The following TENT5D variants were observed in gnomAD, a reference collection of about 807,000 sequenced individuals.
TENT5D encodes cancer/testis antigen 112.
For synonymous variants in TENT5D, 103 were observed against 100.6 expected (o/e 1.02, Z -0.15); for missense variants, 191 against 287.0 (o/e 0.67, Z 2.42).
intron 3 of TENT5D, among the ~76,000 whole-genome samples, chrX:80,411,469 C>A (rs1440183701): frequency 9.0e-6 from 1 of 111,398 alleles, no homozygotes; most frequent in Non-Finnish European, 1.9e-5. Flanking sequence ...CAAAAATTTA[C>A]CGTACAAGAT....
chrX:80,348,446 A>G (rs921255295), intron 3 of TENT5D, among the ~76,000 whole-genome samples: 13 of 111,303 alleles, frequency 1.2e-4, no homozygotes, highest in Non-Finnish European at 2.1e-4. Context: ...ATGGGAGTTC[A>G]CTCATGATTT....
intron 3 of TENT5D, among the ~76,000 whole-genome samples, chrX:80,403,987 G>A (rs1255025340): frequency 1.8e-5 from 2 of 111,532 alleles, no homozygotes; most frequent in Admixed American, 9.6e-5. Flanking sequence ...GTTTGGTCCG[G>A]TAAGGTGGGA....
chrX:80,381,887 T>C (rs1284708896), intron 3 of TENT5D, among the ~76,000 whole-genome samples: 1 of 112,114 alleles, frequency 8.9e-6, no homozygotes, highest in African/African-American at 3.2e-5. Flanking sequence ...TTAGCTTCCT[T>C]GCAATGAGTT....
At chrX:80,358,041 C>A (rs1171841711) in intron 3 of TENT5D, among the ~76,000 whole-genome samples, 1 of 111,392 alleles carries the variant, frequency 9.0e-6, no homozygotes. Flanking sequence ...CTTTGACAAA[C>A]CTGACAAAAA....
intron 1 of TENT5D, among the ~76,000 whole-genome samples, chrX:80,433,676 A>T (rs1932129641): frequency 9.0e-6 from 1 of 111,679 alleles, no homozygotes; most frequent in Non-Finnish European, 1.9e-5. Flanking sequence ...TGTTTATCTT[A>T]ATTGTTCCAA....
intron 3 of TENT5D, among the ~76,000 whole-genome samples, chrX:80,372,539 G>T (rs181317864): frequency 9.0e-6 from 1 of 110,860 alleles, no homozygotes; most frequent in African/African-American, 3.3e-5. Flanking sequence ...CGTCTCGTGG[G>T]ATGATTGCAT....
chrX:80,407,571 C>G, intron 3 of TENT5D, among the ~76,000 whole-genome samples: 1 of 106,949 alleles, frequency 9.4e-6, no homozygotes, highest in South Asian at 4.0e-4. Context: ...TATATATGCA[C>G]CCAATACAGG....
intron 3 of TENT5D, among the ~76,000 whole-genome samples, chrX:80,344,472 GT>G (rs775526789): frequency 2.1e-4 from 21 of 102,025 alleles, no homozygotes; most frequent in African/African-American, 5.3e-4. Flanking sequence ...GTTATTTTTT[GT>G]TTTTTTTTTA....
At chrX:80,396,815 G>T (rs1271667580) in intron 3 of TENT5D, among the ~76,000 whole-genome samples, 1 of 99,928 alleles carries the variant, frequency 1.0e-5, no homozygotes, top group African/African-American at 3.7e-5. Flanking sequence ...GGTGGTGGCC[G>T]GGCAGAGGGG....
chrX:80,355,796 C>T (rs745371072), intron 3 of TENT5D, among the ~76,000 whole-genome samples: 7 of 112,074 alleles, frequency 6.2e-5, no homozygotes, highest in Non-Finnish European at 1.1e-4. Context: ...TACATTCTTT[C>T]CAAAGATCCG....
At chrX:80,425,398 G>T (rs775566350) in intron 1 of TENT5D, among the ~76,000 whole-genome samples, 2 of 112,427 alleles carry the variant, frequency 1.8e-5, no homozygotes, top group South Asian at 7.3e-4. Context: ...TATGAGTTCA[G>T]TCCATTCAGT....
At chrX:80,430,981 C>A (rs928249749) in intron 1 of TENT5D, among the ~76,000 whole-genome samples, 7 of 111,512 alleles carry the variant, frequency 6.3e-5, no homozygotes, top group Non-Finnish European at 1.1e-4. Context: ...TTGGGCAAGA[C>A]TCTTTAACAG....
chrX:80,348,697 T>C (rs1310982419), intron 3 of TENT5D, among the ~76,000 whole-genome samples: 1 of 112,028 alleles, frequency 8.9e-6, no homozygotes, highest in Non-Finnish European at 1.9e-5. Context: ...CAATGCTATG[T>C]TGAATGGGAG....
At chrX:80,386,832 A>T (rs976744436) in intron 3 of TENT5D, among the ~76,000 whole-genome samples, 3 of 111,749 alleles carry the variant, frequency 2.7e-5, no homozygotes, top group Admixed American at 9.5e-5. Context: ...ATTGAAAAAA[A>T]CTAGAGTTTA....
chrX:80,386,024 A>T (rs1414651502), intron 3 of TENT5D, among the ~76,000 whole-genome samples: 5 of 112,271 alleles, frequency 4.5e-5, no homozygotes, highest in African/African-American at 1.6e-4. Flanking sequence ...GCAATTCCTC[A>T]GGGATCTAGA....
chrX:80,403,187 A>G (rs1043750518), intron 3 of TENT5D, among the ~76,000 whole-genome samples: 2 of 112,120 alleles, frequency 1.8e-5, no homozygotes, highest in Admixed American at 9.5e-5. Flanking sequence ...TCAAGTGAAC[A>G]TGTATCAATG....
chrX:80,359,950 A>G (rs1267995503), intron 3 of TENT5D, among the ~76,000 whole-genome samples: 5 of 111,748 alleles, frequency 4.5e-5, no homozygotes, highest in Admixed American at 9.6e-5. Flanking sequence ...TAAAACCACT[A>G]CAAATCAAAT....
At chrX:80,349,862 G>A (rs1357006172) in intron 3 of TENT5D, among the ~76,000 whole-genome samples, 2 of 110,714 alleles carry the variant, frequency 1.8e-5, no homozygotes, top group East Asian at 2.8e-4. Context: ...CTTTGTTCTC[G>A]TTGGTTTCAA....
At chrX:80,363,472 C>T (rs1930448310) in intron 3 of TENT5D, among the ~76,000 whole-genome samples, 1 of 112,073 alleles carries the variant, frequency 8.9e-6, no homozygotes, top group Admixed American at 9.5e-5. Flanking sequence ...CTAAACCCTA[C>T]TACCAACAGT....
Sources: allele counts gnomAD v4.1 joint callset (sites outside exome capture counted in the v4.1 genomes callset), GRCh38; gene constraint gnomAD v4.1.1; transcripts MANE v1.5; gene names NCBI Gene and HGNC (gene_info 2026-07-23, HGNC 2026-07-21).